Variants in TTN observed in about 807,000 individuals in gnomAD.
TTN encodes the protein titin.
A neutral mutation model predicts 3,223.0 loss-of-function variants in TTN; 1,525 were observed. The observed-to-expected ratio is 0.47, with a 90% CI of 0.45 to 0.49. The LOEUF (loss-of-function observed/expected upper bound fraction) is 0.49, where lower values mean the gene tolerates loss of function less well. Among genes scored for constraint, TTN ranks in the 20% least tolerant of loss-of-function variants. The pLI, the probability that TTN is intolerant of heterozygous loss-of-function variation, is 0.00. For synonymous variants in TTN, 14,094 were observed against 15,161.0 expected (o/e 0.93, Z 5.17); for missense variants, 40,786 against 43,424.0 (o/e 0.94, Z 5.40).
Position 178,611,112 on chromosome 2 carries a change from T to A in TTN, c.51017A>T (p.Asp17006Val). ...AACTTCAAGGTGTGCAGAGATGTGA[T>A]CATTCTTCATTGTTAATCTATCACT... ...KASDRLTMKN[D>V]HISAHLEVPK... The change falls in exon 270 of 363, where the codon GAT (aspartate) becomes GTT (valine). Residue 17006 changes from aspartate to valine, a missense_variant. Coordinates refer to ENST00000589042, the MANE Select transcript of TTN (RefSeq NM_001267550.2). The A allele has an allele frequency of 6.2e-7, 1 of 1,612,876 alleles. No homozygotes were observed. Among genetic ancestry groups the A allele is most frequent in the Non-Finnish European group, 8.5e-7 (1 of 1,179,234 alleles).
chr2:178,635,696 C>T lies in TTN; in HGVS notation c.41628G>A (p.Leu13876=), dbSNP rs1447734949. 6 of 1,601,068 alleles carry T rather than the reference C, an allele frequency of 3.7e-6. No individual in the cohort carries two copies. Among genetic ancestry groups the T allele is most frequent in the Non-Finnish European group, 4.3e-6 (5 of 1,173,606 alleles). Residue 13876 remains leucine (L), a synonymous_variant, in exon 227 of 363, where the codon CTG becomes CTA. Coordinates refer to ENST00000589042, the MANE Select transcript of TTN (RefSeq NM_001267550.2). ...CATGCTGGTCTCGTATAGGTTTCAC[C>T]AGCCAATCTCTAATGACTTCTATAT... The part of the protein sequence containing the change: ...VKVVEVIRDW[L]VKPIRDQHVK...
intron 69 of TTN, 95 bp downstream of exon 69, chr2:178,726,995 G>T (rs745802664): frequency 7.4e-6 from 9 of 1,216,484 alleles, no homozygotes; most frequent in Non-Finnish European, 9.6e-6. Flanking sequence ...GATCTCAAAT[G>T]GAAACTAAAA....
At position 178,540,194 on chromosome 2, in the gene TTN, G is replaced by C; in HGVS notation, c.97972C>G (p.Arg32658Gly). Residue 32658 changes from arginine (R) to glycine (G), a missense_variant, in exon 351 of 363, where the codon CGA becomes GGA. Transcript: ENST00000589042. ...TKCNTTPTKI[R>G]EYTLTHLPQG... is the part of the protein sequence containing the mutation. Reference sequence around the variant, plus strand: ...GGTAGGTGTGTTAGAGTATACTCTCGAATCTTGGTTGGAGTGGTGTTACAC... The same window carrying C: ...GGTAGGTGTGTTAGAGTATACTCTCCAATCTTGGTTGGAGTGGTGTTACAC... 6.2e-7 allele frequency: 1 copy of C among 1,613,790 alleles called. No homozygotes were observed. The highest frequency in any genetic ancestry group is 8.5e-7 in the Non-Finnish European group (1 of 1,179,784).
At position 178,615,354 on chromosome 2, in the gene TTN, A is replaced by G. The variant is rs755584586; in HGVS notation, c.48591T>C (p.Arg16197=). The G allele has an allele frequency of 1.2e-5, 19 of 1,612,450 alleles. No individual in the cohort carries two copies. In the South Asian group the frequency reaches 1.9e-4, roughly 16 times the overall value. ...IKGYIVERCP[R]GSDKWVACGE... ...CACAGGCAACCCATTTATCAGAACC[A>G]CGTGGACATCTTTCAACTATATATC... The change falls in exon 259 of 363, where the codon CGT becomes CGC. Residue 16197 remains arginine (R), a synonymous_variant. Coordinates refer to ENST00000589042, the MANE Select transcript of TTN (RefSeq NM_001267550.2).
chr2:178,529,868 T>G (rs980956844), intron 359 of TTN, 92 bp downstream of exon 359: 1 of 1,306,860 alleles, frequency 7.7e-7, no homozygotes, highest in African/African-American at 1.5e-5. Flanking sequence ...TTTTAATACT[T>G]TCTTGTATGT....
Position 178,709,825 on chromosome 2 carries a change from T to C in TTN, c.28494A>G (p.Arg9498=). 2 of 1,612,346 alleles carry C rather than the reference T, an allele frequency of 1.2e-6. No individual in the cohort carries two copies. Among genetic ancestry groups the C allele is most frequent in the Non-Finnish European group, 1.7e-6 (2 of 1,179,118 alleles). ...ERLIPPSFTK[R]LSETVEETEG... is the part of the protein sequence containing the mutation. ...CTGTTTCTTCTACTGTCTCTGAGAG[T>C]CTTTTAGTGAAACTTGGTGGGATGA... Residue 9498 remains arginine, a synonymous_variant, in exon 99 of 363, where the codon AGA becomes AGG. Coordinates refer to ENST00000589042, the MANE Select transcript of TTN (RefSeq NM_001267550.2).
chr2:178,752,067 A>G (rs1330499905), intron 47 of TTN: 7 of 1,555,912 alleles, frequency 4.5e-6, no homozygotes, highest in East Asian at 2.2e-5. Context: ...AACCTTTACT[A>G]TTTTCCATAG....
At chr2:178,600,745 T>G in intron 288 of TTN, 109 bp downstream of exon 288, 1 of 1,314,228 alleles carries the variant, frequency 7.6e-7, no homozygotes, top group Non-Finnish European at 1.1e-6. Context: ...ATTCAAGCCA[T>G]AGTAGCTTCC....
At chr2:178,749,029 C>T (rs1326328727) in intron 47 of TTN, 1 of 1,612,526 alleles carries the variant, frequency 6.2e-7, no homozygotes, top group Non-Finnish European at 8.5e-7. Flanking sequence ...TAATTCTATG[C>T]TTCACCTTTT....
At chr2:178,729,192 GA>G (rs772186041) in intron 64 of TTN, 23 bp from the exon 65 acceptor site, 6 of 1,550,248 alleles carry the variant, frequency 3.9e-6, no homozygotes, top group Non-Finnish European at 5.2e-6. Flanking sequence ...AAGAGAGTGT[GA>G]AAAGAAGAAA....
Position 178,561,631 on chromosome 2 carries a change from T to C in TTN, c.84501A>G (p.Thr28167=). 1 of 1,612,114 alleles carries C rather than the reference T, an allele frequency of 6.2e-7. No homozygotes were observed. The highest frequency in any genetic ancestry group is 2.2e-5 in the East Asian group (1 of 44,724). The change falls in exon 326 of 363, where the codon ACA becomes ACG. Residue 28167 remains threonine (T), a synonymous_variant. Transcript: ENST00000589042. ...GCCAGGTTACAAGCATGGTAGATTTTGTGGCATGCACAACTTTAGGAGTAC... is the reference window on the plus strand; with the variant it reads ...GCCAGGTTACAAGCATGGTAGATTTCGTGGCATGCACAACTTTAGGAGTAC... ...PPGTPKVVHA[T]KSTMLVTWQV... is the part of the protein sequence containing the mutation.
At position 178,582,605 on chromosome 2, in the gene TTN, G is replaced by T. The variant is rs368507077; in HGVS notation, c.65864-13C>A. 7.5e-6 allele frequency: 12 copies of T among 1,589,822 alleles called. No individual in the cohort carries two copies. In the African/African-American group the frequency reaches 1.5e-4, roughly 20 times the overall value. ...GGACCCGGTTTATCTGAAGGAATAA[G>T]GAAGAAGAGTGAATATGTGGAATGG... On this transcript the variant is annotated splice_polypyrimidine_tract_variant and intron_variant, in intron 313 of 362. Coordinates refer to ENST00000589042, the MANE Select transcript of TTN (RefSeq NM_001267550.2).
chr2:178,557,948 C>T lies in TTN; in HGVS notation c.87406G>A (p.Asp29136Asn), dbSNP rs1158235306. Reference sequence around the variant, plus strand: ...GGGCCAGTTGGAGGACCAGGCCTGTCTAGCACAACAATGTTAATGAAAGCT... The same window carrying T: ...GGGCCAGTTGGAGGACCAGGCCTGTTTAGCACAACAATGTTAATGAAAGCT... ...TKAFINIVVL[D>N]RPGPPTGPVV... is the part of the protein sequence containing the mutation. Residue 29136 changes from aspartate to asparagine, a missense_variant, in exon 328 of 363, where the codon GAC becomes AAC. Transcript: ENST00000589042. The T allele has an allele frequency of 6.2e-7, 1 of 1,613,188 alleles. No homozygotes were observed. The highest frequency in any genetic ancestry group is 1.7e-5 in the Admixed American group (1 of 60,020).
At chr2:178,750,976 C>T (rs2085331129) in intron 47 of TTN, 3 of 1,612,736 alleles carry the variant, frequency 1.9e-6, no homozygotes, top group East Asian at 2.2e-5. Flanking sequence ...CTTCTTGGCT[C>T]ATTCTTATTT....
At chr2:178,752,784 C>T (rs944612142) in intron 47 of TTN, among the ~76,000 whole-genome samples, 2 of 151,960 alleles carry the variant, frequency 1.3e-5, no homozygotes, top group Non-Finnish European at 2.9e-5. Flanking sequence ...TGTAATTCAC[C>T]GTGATTTTGA....
Position 178,621,277 on chromosome 2 carries a change from G to T in TTN, c.45441C>A (p.Ser15147Arg), listed in dbSNP as rs987487847. The change falls in exon 246 of 363, where the codon AGC (serine) becomes AGA (arginine). Residue 15147 changes from serine (S) to arginine (R), a missense_variant. Coordinates refer to ENST00000589042, the MANE Select transcript of TTN (RefSeq NM_001267550.2). ...AEFVCSISKESFPVQWKRDDK... is the reference protein window; with the variant it reads ...AEFVCSISKERFPVQWKRDDK... Reference sequence around the variant, plus strand: ...CATCCCTCTTCCACTGGACTGGAAAGCTTTCTTTTGATATAGAGCAGACAA... The same window carrying T: ...CATCCCTCTTCCACTGGACTGGAAATCTTTCTTTTGATATAGAGCAGACAA... The T allele has an allele frequency of 1.2e-6, 2 of 1,612,064 alleles. No homozygotes were observed. Among genetic ancestry groups the T allele is most frequent in the African/African-American group, 2.7e-5 (2 of 74,772 alleles).
intron 326 of TTN, chr2:178,559,000 CATACT>C (rs1222073433): frequency 5.2e-5 from 16 of 305,656 alleles, no homozygotes; most frequent in African/African-American, 3.7e-4. Flanking sequence ...GTCATACACA[CATACT>C]ATATATATAT....
chr2:178,562,602 T>G lies in TTN; in HGVS notation c.83530A>C (p.Asn27844His). 6.2e-7 allele frequency: 1 copy of G among 1,610,768 alleles called. No individual in the cohort carries two copies. The highest frequency in any genetic ancestry group is 8.5e-7 in the Non-Finnish European group (1 of 1,178,844). Residue 27844 changes from asparagine to histidine, a missense_variant, in exon 326 of 363, where the codon AAT becomes CAT. By Grantham distance (68) the Asn-to-His change is moderately conservative. Transcript: ENST00000589042. ...GCTGGCAAACCAATCCCATATTCAT[T>G]GGAAGCCAAGACTCGGAAGTAGTAA... ...CSYYFRVLAS[N>H]EYGIGLPAET...
chr2:178,732,833 C>A lies in TTN; in HGVS notation c.16342+1G>T. The A allele has an allele frequency of 6.2e-7, 1 of 1,607,152 alleles. No individual in the cohort carries two copies. The highest frequency in any genetic ancestry group is 8.5e-7 in the Non-Finnish European group (1 of 1,175,626). On this transcript the variant is annotated splice_donor_variant, in intron 55 of 362. Coordinates refer to ENST00000589042, the MANE Select transcript of TTN (RefSeq NM_001267550.2). LOFTEE classifies it high-confidence loss of function. ...GATAAAATGCAAAGTCTCCAGCCAA[C>A]CTTGCACAATCAGGGCTCCACTGCT...
Sources: allele counts gnomAD v4.1 joint callset (sites outside exome capture counted in the v4.1 genomes callset), GRCh38; gene constraint gnomAD v4.1.1; transcripts MANE v1.5; gene names NCBI Gene and HGNC (gene_info 2026-07-23, HGNC 2026-07-21).